The following PDE1A variants were observed in gnomAD, a reference collection of about 807,000 sequenced individuals.
PDE1A encodes the protein phosphodiesterase 1A, also known as dual specificity calcium/calmodulin-dependent 3',5'-cyclic nucleotide phosphodiesterase 1A.
In PDE1A, 35 loss-of-function variants were observed where a neutral mutation model predicts 61.7. The ratio of observed to expected loss-of-function variants is 0.57; its 90% CI spans 0.43 to 0.75. The LOEUF is 0.75. PDE1A is among the 30% of genes least tolerant of loss of function. The pLI, the probability that PDE1A is intolerant of heterozygous loss-of-function variation, is 0.00. For missense variants in PDE1A, 597 were observed against 630.6 expected (o/e 0.95, Z 0.57); for synonymous variants, 232 against 213.2 (o/e 1.09, Z -0.77).
At chr2:182,322,057 C>G (rs192056912) in intron 1 of PDE1A, among the ~76,000 whole-genome samples, 6 of 152,146 alleles carry the variant, frequency 3.9e-5, no homozygotes, top group Non-Finnish European at 8.8e-5. Context: ...TCCAAAGTCA[C>G]GTTGCACTTT....
chr2:182,189,751 T>C (rs16822827), intron 10 of PDE1A, among the ~76,000 whole-genome samples: 1 of 152,216 alleles, frequency 6.6e-6, no homozygotes, highest in East Asian at 1.9e-4. Flanking sequence ...TAAATTTTCA[T>C]CTTCTAAAAC....
At chr2:182,615,117 T>C in the PDE1A span, among the ~76,000 whole-genome samples, 1 of 152,252 alleles carries the variant, frequency 6.6e-6, no homozygotes, top group Non-Finnish European at 1.5e-5. Context: ...CCTAAGACTA[T>C]GTAGCTATGA....
intron 2 of PDE1A, among the ~76,000 whole-genome samples, chr2:182,462,667 G>C (rs968250471): frequency 6.6e-6 from 1 of 152,010 alleles, no homozygotes; most frequent in Non-Finnish European, 1.5e-5. Context: ...GAAAAAAAAG[G>C]GTGTAAGCAG....
chr2:182,673,204 T>C, the PDE1A span, among the ~76,000 whole-genome samples: 1 of 152,246 alleles, frequency 6.6e-6, no homozygotes, highest in African/African-American at 2.4e-5. Flanking sequence ...GTGACTTCTA[T>C]AATTCTGATT....
the PDE1A span, among the ~76,000 whole-genome samples, chr2:182,604,130 T>G: frequency 6.6e-6 from 1 of 152,100 alleles, no homozygotes; most frequent in Non-Finnish European, 1.5e-5. Flanking sequence ...AGAATAAGAA[T>G]TTTAATTATA....
Position 182,231,707 on chromosome 2 carries a change from A to G in PDE1A, c.418-576T>C, listed in dbSNP as rs187373195. On this transcript the variant is annotated intron_variant, in intron 4 of 13. Coordinates refer to ENST00000351439, the Ensembl canonical transcript of PDE1A. Reference sequence around the variant, plus strand: ...GAAATGGGCCAATCACGAGGTCAGGAGTTCGAGGCCAGCCTGACCAACATA... The same window carrying G: ...GAAATGGGCCAATCACGAGGTCAGGGGTTCGAGGCCAGCCTGACCAACATA... Among the ~76,000 whole-genome samples, 72 of 152,196 alleles carry G rather than the reference A, an allele frequency of 4.7e-4. 1 individual carries two copies. Among genetic ancestry groups the G allele is most frequent in the African/African-American group, 1.7e-3 (70 of 41,530 alleles).
chr2:182,399,505 G>A (rs554174605), intron 1 of PDE1A, among the ~76,000 whole-genome samples: 3 of 152,148 alleles, frequency 2.0e-5, no homozygotes, highest in Admixed American at 1.3e-4. Flanking sequence ...ACATTAGTAT[G>A]TAAGTTTAAA....
chr2:182,444,757 C>T lies in PDE1A; in HGVS notation c.101+77519G>A, dbSNP rs549406486. Among the ~76,000 whole-genome samples the T allele has an allele frequency of 3.6e-4, 54 of 152,100 alleles. No individual in the cohort carries two copies. The South Asian group carries it at 0.011, about 30-fold the overall frequency. On this transcript the variant is annotated intron_variant, in intron 2 of 14. Transcript: ENST00000410103. ...TATCATTATCTACTAAAAAAGAAAT[C>T]GTCATCTATCCACACTTACATGTAT...
chr2:182,287,256 A>G (rs1694226892), intron 1 of PDE1A, among the ~76,000 whole-genome samples: 1 of 152,074 alleles, frequency 6.6e-6, no homozygotes, highest in African/African-American at 2.4e-5. Context: ...ATTTTAAATG[A>G]CACCTCTTCA....
intron 1 of PDE1A, among the ~76,000 whole-genome samples, chr2:182,366,520 TA>T (rs1699845368): frequency 6.6e-6 from 1 of 152,072 alleles, no homozygotes; most frequent in Non-Finnish European, 1.5e-5. Context: ...CTCATTAATT[TA>T]ATAACCTATT....
chr2:182,260,788 G>A (rs971686046), intron 2 of PDE1A, among the ~76,000 whole-genome samples: 1 of 152,082 alleles, frequency 6.6e-6, no homozygotes, highest in Non-Finnish European at 1.5e-5. Context: ...GACAACCTGT[G>A]CACTTTCATC....
chr2:182,608,271 A>G, the PDE1A span, among the ~76,000 whole-genome samples: 1 of 152,250 alleles, frequency 6.6e-6, no homozygotes, highest in South Asian at 2.1e-4. Context: ...AAAACTTACC[A>G]TAAAGAAATT....
chr2:182,627,194 T>TATTATTTATATATAAAATATAAA, the PDE1A span, among the ~76,000 whole-genome samples: 3 of 15,784 alleles, frequency 1.9e-4, 1 homozygote, highest in African/African-American at 5.7e-4. Context: ...AATATAAATA[T>TATTATTTATATATAAAATATAAA]TATATTATTT....
intron 1 of PDE1A, among the ~76,000 whole-genome samples, chr2:182,306,706 A>ATGGGAAG (rs1335482087): frequency 2.0e-5 from 3 of 152,178 alleles, no homozygotes; most frequent in Non-Finnish European, 4.4e-5. Flanking sequence ...CAAGAATACA[A>ATGGGAAG]TGGGAAGAAG....
rs576239840 is a variant in PDE1A at position 182,212,650 on chromosome 2, G to A, written c.777-6585C>T. ...TTCCCTTTCCGAGTCAAAGAAAGGGGTGATGGACGGCACCTGGAAAATTGG... is the reference window on the plus strand; with the variant it reads ...TTCCCTTTCCGAGTCAAAGAAAGGGATGATGGACGGCACCTGGAAAATTGG... On this transcript the variant is annotated intron_variant, in intron 7 of 13. Transcript: ENST00000351439. 3.4e-3 allele frequency among the ~76,000 whole-genome samples: 511 copies of A among 152,006 alleles called. 2 individuals carry two copies. Among genetic ancestry groups the A allele is most frequent in the African/African-American group, 0.012 (498 of 41,458 alleles).
upstream of PDE1A, among the ~76,000 whole-genome samples, chr2:182,430,044 C>T (rs1243550923): frequency 3.9e-5 from 6 of 152,140 alleles, no homozygotes; most frequent in Non-Finnish European, 7.4e-5. Flanking sequence ...AGGAGGGAAA[C>T]GAAACTGCAA....
At chr2:182,254,757 T>C (rs925308561) in intron 2 of PDE1A, among the ~76,000 whole-genome samples, 5 of 152,156 alleles carry the variant, frequency 3.3e-5, no homozygotes, top group Non-Finnish European at 7.3e-5. Flanking sequence ...CAAACCCCGA[T>C]CCAGGTCCCC....
At chr2:182,283,705 T>TGGG (rs1249450284) in intron 1 of PDE1A, among the ~76,000 whole-genome samples, 3 of 152,054 alleles carry the variant, frequency 2.0e-5, no homozygotes. Flanking sequence ...GCTTAGGAAC[T>TGGG]GGGGTCTGTA....
the PDE1A span, among the ~76,000 whole-genome samples, chr2:182,672,984 A>T: frequency 1.3e-5 from 2 of 152,172 alleles, no homozygotes; most frequent in South Asian, 4.1e-4. Flanking sequence ...TGACTCATAG[A>T]CTTGGCATTC....
Sources: gnomAD v4.1 joint callset for allele counts (sites outside exome capture counted in the v4.1 genomes callset) on GRCh38, gnomAD v4.1.1 for gene constraint, MANE v1.5 for transcripts, NCBI Gene and HGNC (gene_info 2026-07-23, HGNC 2026-07-21) for gene names.